Variants in ADARB2 observed in about 807,000 individuals in gnomAD.
The protein encoded by ADARB2 is inactive double-stranded RNA-specific editase B2.
Under a neutral mutation model 62.2 loss-of-function variants are expected in ADARB2, and 25 were observed. The ratio of observed to expected loss-of-function variants is 0.40; its 90% CI spans 0.29 to 0.56. ADARB2 has a LOEUF of 0.56. Ranked by LOEUF, ADARB2 falls within the 20% of genes least tolerant of loss-of-function variation. The pLI, the probability that ADARB2 is intolerant of heterozygous loss-of-function variation, is 0.43. For missense variants in ADARB2, 1,071 were observed against 1,077.4 expected (o/e 0.99, Z 0.08); for synonymous variants, 572 against 500.8 (o/e 1.14, Z -1.90).
chr10:1,522,141 CATT>C (rs1174594719), intron 1 of ADARB2, among the ~76,000 whole-genome samples: 1 of 152,136 alleles, frequency 6.6e-6, no homozygotes, highest in Non-Finnish European at 1.5e-5. Flanking sequence ...TGGTAATCAT[CATT>C]ATTTTAGTGT....
chr10:1,527,247 G>A (rs1056182869), intron 1 of ADARB2, among the ~76,000 whole-genome samples: 2 of 152,142 alleles, frequency 1.3e-5, no homozygotes, highest in South Asian at 2.1e-4. Flanking sequence ...TGTACTTATC[G>A]CATCCTCATT....
chr10:1,283,174 T>G (rs542930717), intron 3 of ADARB2, among the ~76,000 whole-genome samples: 26 of 152,364 alleles, frequency 1.7e-4, no homozygotes, highest in African/African-American at 6.0e-4. Flanking sequence ...TGGCATAATT[T>G]GTATGCTTGT....
In ADARB2 at chr10:1,230,177, G is replaced by T. The variant is rs186144477; in HGVS notation, c.1513+3517C>A. 1.9e-3 allele frequency among the ~76,000 whole-genome samples: 284 copies of T among 152,308 alleles called. 2 individuals carry two copies. Among genetic ancestry groups the T allele is most frequent in the African/African-American group, 6.5e-3 (269 of 41,586 alleles). The stretch of plus-strand genomic sequence containing the variant: ...GGGACTGAGCTCTCTGCACTCTGCG[G>T]CCTCTGCATTTGTGAGAATAACATC... On this transcript the variant is annotated intron_variant, in intron 6 of 9. Coordinates refer to ENST00000381312, the MANE Select transcript of ADARB2 (RefSeq NM_018702.4).
intron 3 of ADARB2, among the ~76,000 whole-genome samples, chr10:1,333,590 C>T (rs182227530): frequency 1.0e-3 from 154 of 152,222 alleles, no homozygotes; most frequent in Non-Finnish European, 1.6e-3. Context: ...ATACATGATA[C>T]CTGTAATAGG....
chr10:1,633,195 T>A (rs1833864288), intron 1 of ADARB2, among the ~76,000 whole-genome samples: 2 of 152,334 alleles, frequency 1.3e-5, no homozygotes, highest in Middle Eastern at 3.4e-3. Flanking sequence ...GACTGAACTA[T>A]GTCACTGATT....
At chr10:1,460,782 G>A in intron 1 of ADARB2, among the ~76,000 whole-genome samples, 1 of 115,230 alleles carries the variant, frequency 8.7e-6, no homozygotes, top group African/African-American at 4.0e-5. Flanking sequence ...TGTGACCTGA[G>A]TTTACCTGTG....
chr10:1,205,197 C>T (rs560007145), intron 7 of ADARB2, among the ~76,000 whole-genome samples: 9 of 152,298 alleles, frequency 5.9e-5, no homozygotes, highest in South Asian at 2.1e-4. Context: ...GCTGGCGCCA[C>T]GTGGAGATGA....
At chr10:1,567,960 C>T (rs1455836553) in intron 1 of ADARB2, among the ~76,000 whole-genome samples, 4 of 152,230 alleles carry the variant, frequency 2.6e-5, no homozygotes, top group South Asian at 2.1e-4. Flanking sequence ...GTTGATGGCA[C>T]GGCATCACCC....
intron 1 of ADARB2, among the ~76,000 whole-genome samples, chr10:1,464,963 T>A (rs1009056960): frequency 1.3e-5 from 2 of 152,222 alleles, no homozygotes; most frequent in Admixed American, 1.3e-4. Context: ...CACAGTGGCT[T>A]GGTTCATCGT....
intron 5 of ADARB2, among the ~76,000 whole-genome samples, chr10:1,234,187 C>G (rs371638685): frequency 6.6e-6 from 1 of 151,624 alleles, no homozygotes; most frequent in Non-Finnish European, 1.5e-5. Flanking sequence ...CAGGGTTTCA[C>G]CATGTTGGCC....
At chr10:1,536,948 C>A (rs1272345419) in intron 1 of ADARB2, among the ~76,000 whole-genome samples, 1 of 152,132 alleles carries the variant, frequency 6.6e-6, no homozygotes, top group Non-Finnish European at 1.5e-5. Context: ...CAACAAAAGC[C>A]AAAATTGATA....
rs552297473 is a variant in ADARB2, at chr10:1,274,419, C to T, written c.1078-3350G>A. On this transcript the variant is annotated intron_variant, in intron 3 of 9. Coordinates refer to ENST00000381312, the MANE Select transcript of ADARB2 (RefSeq NM_018702.4). The stretch of plus-strand genomic sequence containing the variant: ...GTGCCAGGCATCTGATTCCAGCACA[C>T]GCTGTGCTCCAGAGTTATTCCCAAT... Among the ~76,000 whole-genome samples the T allele has an allele frequency of 9.8e-5, 15 of 152,302 alleles. No individual in the cohort carries two copies. The East Asian group carries it at 1.5e-3, about 16-fold the overall frequency.
Position 1,227,930 on chromosome 10 carries a change from TTGA to T in ADARB2, c.1513+5761_1513+5763del, listed in dbSNP as rs578216860. Among the ~76,000 whole-genome samples the T allele has an allele frequency of 1.3e-3, 192 of 152,288 alleles. No individual in the cohort carries two copies. The Middle Eastern group carries it at 0.02, about 16-fold the overall frequency. ...CGTGGGTGCACTTTGCCATATTTGA[TTGA>T]TGATGATGATGATAGTGATGATGCT... On this transcript the variant is annotated intron_variant, in intron 6 of 9. Coordinates refer to ENST00000381312, the MANE Select transcript of ADARB2 (RefSeq NM_018702.4).
intron 3 of ADARB2, among the ~76,000 whole-genome samples, chr10:1,301,280 C>T (rs932794089): frequency 6.6e-6 from 1 of 152,082 alleles, no homozygotes; most frequent in Non-Finnish European, 1.5e-5. Context: ...ACAGAAGTGA[C>T]TTAACTGCTG....
At chr10:1,588,489 G>A (rs961493708) in intron 1 of ADARB2, among the ~76,000 whole-genome samples, 1 of 152,214 alleles carries the variant, frequency 6.6e-6, no homozygotes, top group Non-Finnish European at 1.5e-5. Context: ...GACAGAGCTA[G>A]GTAGGCCAGA....
chr10:1,602,958 GCA>G (rs146661194), intron 1 of ADARB2, among the ~76,000 whole-genome samples: 38,516 of 150,290 alleles, frequency 0.26, 5,215 homozygotes, highest in East Asian at 0.41. Flanking sequence ...GTACACACAT[GCA>G]CACACAGACA....
intron 1 of ADARB2, among the ~76,000 whole-genome samples, chr10:1,702,933 G>A (rs1169551913): frequency 1.3e-5 from 2 of 152,240 alleles, no homozygotes; most frequent in Non-Finnish European, 2.9e-5. Flanking sequence ...TCTTCAGATG[G>A]TAGGGACTCA....
At position 1,247,283 on chromosome 10, in the gene ADARB2, A is replaced by G. The variant is rs190636558; in HGVS notation, c.1193-4984T>C. On this transcript the variant is annotated intron_variant, in intron 4 of 9. Coordinates refer to ENST00000381312, the MANE Select transcript of ADARB2 (RefSeq NM_018702.4). ...AATCATGTCATCTGCAAACAGAGAC[A>G]ATTTGACTTTCTCTTTTCCTAATTG... is the stretch of plus-strand genomic sequence containing the variant. Among the ~76,000 whole-genome samples, 369 of 152,326 alleles carry G rather than the reference A, an allele frequency of 2.4e-3. 3 individuals carry two copies. Among genetic ancestry groups the G allele is most frequent in the Non-Finnish European group, 9.6e-4 (65 of 68,026 alleles).
chr10:1,634,147 C>T (rs988538126), intron 1 of ADARB2, among the ~76,000 whole-genome samples: 2 of 152,110 alleles, frequency 1.3e-5, no homozygotes, highest in Admixed American at 6.5e-5. Flanking sequence ...CCCTCAACAC[C>T]GGGAGGACCC....
Sources: allele counts gnomAD v4.1 joint callset (sites outside exome capture counted in the v4.1 genomes callset), GRCh38; gene constraint gnomAD v4.1.1; transcripts MANE v1.5; gene names NCBI Gene and HGNC (gene_info 2026-07-23, HGNC 2026-07-21).